TTC7B: variants seen among roughly 807,000 people sequenced by gnomAD.
TTC7B encodes tetratricopeptide repeat protein 7B.
In TTC7B, 28 loss-of-function variants were observed where a neutral mutation model predicts 106.8. The ratio of observed to expected loss-of-function variants is 0.26; its 90% confidence interval spans 0.19 to 0.36. TTC7B has a LOEUF of 0.36. Ranked by LOEUF, TTC7B falls within the 10% of genes least tolerant of loss-of-function variation. The pLI is 1.00. For missense variants in TTC7B, 862 were observed against 1,076.4 expected (o/e 0.80, Z 2.79); for synonymous variants, 405 against 430.6 (o/e 0.94, Z 0.74).
intron 15 of TTC7B, among the ~76,000 whole-genome samples, chr14:90,636,616 C>A (rs189100163): frequency 6.6e-6 from 1 of 151,882 alleles, no homozygotes; most frequent in Non-Finnish European, 1.5e-5. Context: ...TCTTTTCAGG[C>A]ACACATGGAA....
chr14:90,805,547 T>A lies in TTC7B; in HGVS notation c.121+10628A>T, dbSNP rs1349544246. On this transcript the variant is annotated intron_variant, in intron 1 of 19. Transcript: ENST00000328459. This position sits in a 1 kb window ranked among gnomAD's most constrained non-coding sequence, Gnocchi z 4.0. The stretch of plus-strand genomic sequence containing the variant: ...TCCCAAACTGCTGGGATTGCAGGCA[T>A]GAGCCACCGCGCCCGGCCTAAACCT... 6.6e-6 allele frequency among the ~76,000 whole-genome samples: 1 copy of A among 152,184 alleles called. No individual in the cohort carries two copies. Among genetic ancestry groups the A allele is most frequent in the Non-Finnish European group, 1.5e-5 (1 of 68,026 alleles).
At chr14:90,775,284 C>T (rs930074654) in intron 3 of TTC7B, among the ~76,000 whole-genome samples, 5 of 152,068 alleles carry the variant, frequency 3.3e-5, no homozygotes, top group Admixed American at 6.5e-5. Flanking sequence ...GTTGATCTGC[C>T]GGGCATTGTG....
intron 12 of TTC7B, among the ~76,000 whole-genome samples, chr14:90,654,282 T>C (rs555875019): frequency 2.4e-4 from 36 of 152,308 alleles, no homozygotes; most frequent in African/African-American, 8.7e-4. Context: ...TTAAAATTCA[T>C]TAAATTAACC....
At position 90,524,650 on chromosome 14, in the gene TTC7B, G is replaced by C. The variant is rs1272856553; in HGVS notation, c.*16718C>G. On this transcript the variant is annotated 3_prime_UTR_variant, in exon 20 of 20. Transcript: ENST00000328459. Reference sequence around the variant, plus strand: ...CACAGCCACCGCCTGCCCAAAACAGGTCATGCCCCTGGAGTGGCCTCGCAC... The same window carrying C: ...CACAGCCACCGCCTGCCCAAAACAGCTCATGCCCCTGGAGTGGCCTCGCAC... 6 of 152,320 alleles carry C rather than the reference G, an allele frequency of 3.9e-5. No individual in the cohort carries two copies. The highest frequency in any genetic ancestry group is 2.1e-4 in the South Asian group (1 of 4,836). 9.4% of individuals were successfully genotyped at this position (152,320 alleles called of 1,614,324 possible).
intron 6 of TTC7B, among the ~76,000 whole-genome samples, chr14:90,694,722 G>T (rs1213401899): frequency 4.7e-5 from 2 of 42,382 alleles, no homozygotes; most frequent in African/African-American, 7.3e-5. Context: ...TATAAAATAG[G>T]TATATTTTAT....
intron 5 of TTC7B, among the ~76,000 whole-genome samples, chr14:90,721,351 T>A (rs1168967420): frequency 6.6e-6 from 1 of 152,180 alleles, no homozygotes; most frequent in Non-Finnish European, 1.5e-5. Context: ...AATTCATCAC[T>A]GAAAAGAGGG....
intron 3 of TTC7B, among the ~76,000 whole-genome samples, chr14:90,755,695 A>C (rs1424781707): frequency 6.6e-6 from 1 of 152,206 alleles, no homozygotes; most frequent in Non-Finnish European, 1.5e-5. Flanking sequence ...AAAAAAAAAA[A>C]ACAAGAAAAT....
At chr14:90,599,270 C>T (rs1308309967) in intron 17 of TTC7B, among the ~76,000 whole-genome samples, 2 of 152,176 alleles carry the variant, frequency 1.3e-5, no homozygotes, top group African/African-American at 4.8e-5. Context: ...ATATTATATT[C>T]CAGCTCTCCT....
At chr14:90,664,655 TG>T (rs756146810) in intron 9 of TTC7B, among the ~76,000 whole-genome samples, 1 of 152,244 alleles carries the variant, frequency 6.6e-6, no homozygotes, top group South Asian at 2.1e-4. Flanking sequence ...GTTCTGTGCA[TG>T]GGGGGCATAT....
At position 90,578,277 on chromosome 14, in the gene TTC7B, T is replaced by G; in HGVS notation, c.2139A>C (p.Ala713=). The G allele has an allele frequency of 6.2e-7, 1 of 1,614,202 alleles. No individual in the cohort carries two copies. The highest frequency in any genetic ancestry group is 2.2e-5 in the East Asian group (1 of 44,890). ...CTTCTTGGGTACAGGCTGTGGCTTCTGCAGGCTTCCCGATGCCGATATAGA... is the reference window on the plus strand; with the variant it reads ...CTTCTTGGGTACAGGCTGTGGCTTCGGCAGGCTTCCCGATGCCGATATAGA... ...AEVYIGIGKP[A]EATACTQEAA... The change falls in exon 19 of 20, where the codon GCA becomes GCC. Residue 713 remains alanine, a synonymous_variant. Transcript: ENST00000328459. The surrounding 1 kb of genome is among the most constrained non-coding windows in gnomAD (Gnocchi z 4.7).
At chr14:90,591,398 C>G (rs1891951938) in intron 18 of TTC7B, among the ~76,000 whole-genome samples, 1 of 152,130 alleles carries the variant, frequency 6.6e-6, no homozygotes, top group South Asian at 2.1e-4. Context: ...TTAAGTTCTT[C>G]AATATTCTAA....
At chr14:90,618,771 A>C (rs1566801640) in intron 15 of TTC7B, among the ~76,000 whole-genome samples, 1 of 152,242 alleles carries the variant, frequency 6.6e-6, no homozygotes, top group Non-Finnish European at 1.5e-5. Flanking sequence ...ACCTGTAGAC[A>C]TCAGCTCTCC....
At chr14:90,765,819 CAG>C (rs1447705107) in intron 3 of TTC7B, among the ~76,000 whole-genome samples, 1 of 152,220 alleles carries the variant, frequency 6.6e-6, no homozygotes, top group Non-Finnish European at 1.5e-5. Context: ...CTTCTGATCA[CAG>C]GGGTGCAGAA....
At position 90,730,116 on chromosome 14, in the gene TTC7B, T is replaced by C. The variant is rs151312437; in HGVS notation, c.657A>G (p.Glu219=). 3.6e-5 allele frequency: 58 copies of C among 1,613,728 alleles called. No individual in the cohort carries two copies. Among genetic ancestry groups the C allele is most frequent in the Admixed American group, 8.3e-5 (5 of 59,896 alleles). The change falls in exon 5 of 20, where the codon GAA becomes GAG. Residue 219 remains glutamate (E), a synonymous_variant. Transcript: ENST00000328459. ...GGACATGGGCTCTCTGAAGTCCTGT[T>C]TCTAGGAAAAAACCTAGTTCTTGAT... ...PHDQELGFFL[E]TGLQRAHVLY... is the part of the protein sequence containing the mutation.
At chr14:90,606,970 C>G (rs1308109584) in intron 17 of TTC7B, among the ~76,000 whole-genome samples, 7 of 152,128 alleles carry the variant, frequency 4.6e-5, no homozygotes, top group Non-Finnish European at 1.0e-4. Flanking sequence ...AAGCTCTTAT[C>G]AGTTACACAT....
At chr14:90,622,847 C>G (rs190044373) in intron 15 of TTC7B, among the ~76,000 whole-genome samples, 1 of 152,210 alleles carries the variant, frequency 6.6e-6, no homozygotes, top group East Asian at 1.9e-4. Flanking sequence ...ACTGATGACC[C>G]AAATCTAGCA....
At chr14:90,710,334 AAT>A (rs1365560815) in intron 5 of TTC7B, among the ~76,000 whole-genome samples, 1 of 152,228 alleles carries the variant, frequency 6.6e-6, no homozygotes, top group East Asian at 1.9e-4. Context: ...ATGGATGAGG[AAT>A]TGCTCTTACA....
At chr14:90,750,794 A>G (rs189858114) in intron 3 of TTC7B, among the ~76,000 whole-genome samples, 24 of 152,372 alleles carry the variant, frequency 1.6e-4, no homozygotes, top group Non-Finnish European at 3.2e-4. Flanking sequence ...TATTCCATGT[A>G]CACATTTATT....
intron 5 of TTC7B, among the ~76,000 whole-genome samples, chr14:90,709,982 A>C (rs1888377771): frequency 1.5e-5 from 1 of 64,910 alleles, no homozygotes; most frequent in Admixed American, 1.4e-4. Flanking sequence ...TATGTGCCAG[A>C]AAAAAAAAAA....
Sources: allele counts gnomAD v4.1 joint callset (sites outside exome capture counted in the v4.1 genomes callset), GRCh38; gene constraint gnomAD v4.1.1; non-coding constraint Gnocchi (gnomAD v3.1); transcripts MANE v1.5; gene names NCBI Gene and HGNC (gene_info 2026-07-23, HGNC 2026-07-21).